VPS16: variants seen among roughly 807,000 people sequenced by gnomAD.
The protein encoded by VPS16 is VPS16 core subunit of CORVET and HOPS complexes, also known as vacuolar protein sorting-associated protein 16 homolog.
In VPS16, 82 loss-of-function variants were observed where a neutral mutation model predicts 116.0. The observed-to-expected ratio is 0.71, with a 90% CI of 0.59 to 0.85. VPS16 has a LOEUF of 0.85. VPS16 is among the 40% of genes least tolerant of loss of function. VPS16 has a pLI of 0.00. For missense variants in VPS16, 928 were observed against 1,090.6 expected, an observed-to-expected ratio of 0.85 and a Z score of 2.10; for synonymous variants, 406 against 420.7, an observed-to-expected ratio of 0.96 and a Z score of 0.43.
intron 1 of VPS16, among the ~76,000 whole-genome samples, chr20:2,849,533 A>C (rs1467906517): frequency 6.6e-6 from 1 of 151,464 alleles, no homozygotes; most frequent in Non-Finnish European, 1.5e-5. Context: ...TCCTGACCTC[A>C]GGTGATCTGC....
rs1600008616 is a variant in VPS16 at position 2,864,085 on chromosome 20, T to G, written c.1611+2T>G. ...GGCCGCACGGAGCTGGCCATCAAGG[T>G]GTGGGTGCCCAGCCCTCCACAGACA... On this transcript the variant is annotated splice_donor_variant, in intron 16 of 23. Coordinates refer to ENST00000380445, the MANE Select transcript of VPS16 (RefSeq NM_022575.4). LOFTEE classifies it high-confidence loss of function. The surrounding 1 kb of genome is among the most constrained non-coding windows in gnomAD (Gnocchi z 5.2). 1 of 1,613,730 alleles carries G rather than the reference T, an allele frequency of 6.2e-7. No individual in the cohort carries two copies. Among genetic ancestry groups the G allele is most frequent in the Non-Finnish European group, 8.5e-7 (1 of 1,179,682 alleles).
chr20:2,856,941 C>CT lies in VPS16; in HGVS notation c.54-2773dup, dbSNP rs529438339. ...TGTGGTATTTCCTCTTTCAGATGAT[C>CT]TTTTTCCCCTATATGAACTTTTTTT... On this transcript the variant is annotated intron_variant, in intron 1 of 23. Transcript: ENST00000380445. 1.7e-3 allele frequency among the ~76,000 whole-genome samples: 249 copies of CT among 150,350 alleles called. 3 individuals carry two copies. Among genetic ancestry groups the CT allele is most frequent in the African/African-American group, 4.1e-3 (169 of 41,176 alleles).
Position 2,861,604 on chromosome 20 carries a change from G to A in VPS16, c.810-11G>A. The A allele has an allele frequency of 6.2e-7, 1 of 1,604,420 alleles. No individual in the cohort carries two copies. The highest frequency in any genetic ancestry group is 8.5e-7 in the Non-Finnish European group (1 of 1,176,232). ...GACAGTGTCTAGCCAGTGTGTATATGCTGCTCACAGGTGCAGCCGTCCTCG... is the reference window on the plus strand; with the variant it reads ...GACAGTGTCTAGCCAGTGTGTATATACTGCTCACAGGTGCAGCCGTCCTCG... On this transcript the variant is annotated splice_polypyrimidine_tract_variant and intron_variant, in intron 8 of 23. Transcript: ENST00000380445.
rs1316936497 is a variant in VPS16 at position 2,863,114 on chromosome 20, A to G, written c.1367+14A>G. The G allele has an allele frequency of 6.2e-7, 1 of 1,613,908 alleles. No individual in the cohort carries two copies. The highest frequency in any genetic ancestry group is 1.7e-5 in the Admixed American group (1 of 59,988). The stretch of plus-strand genomic sequence containing the variant: ...GCTGCTGGACAGGTAGGGTAAGCCC[A>G]AGGGTGCAGTGAGCGGGCTGTCAGG... On this transcript the variant is annotated intron_variant, in intron 14 of 23. Transcript: ENST00000380445. The surrounding 1 kb of genome is among the most constrained non-coding windows in gnomAD (Gnocchi z 4.4).
At chr20:2,857,709 GTTTA>G (rs1043585938) in intron 1 of VPS16, among the ~76,000 whole-genome samples, 69 of 151,106 alleles carry the variant, frequency 4.6e-4, no homozygotes, top group African/African-American at 1.4e-3. Flanking sequence ...TTATTTATTT[GTTTA>G]TTTATTTATT....
intron 1 of VPS16, among the ~76,000 whole-genome samples, chr20:2,857,511 T>C (rs1157487076): frequency 8.1e-6 from 1 of 123,298 alleles, no homozygotes; most frequent in Non-Finnish European, 1.6e-5. Context: ...TATTTCTTTC[T>C]TTTTTTTTTT....
At position 2,864,881 on chromosome 20, in the gene VPS16, C is replaced by T. The variant is rs2089302746; in HGVS notation, c.1927-97C>T. 1 of 1,548,666 alleles carries T rather than the reference C, an allele frequency of 6.5e-7. No individual in the cohort carries two copies. On this transcript the variant is annotated intron_variant, in intron 19 of 23. Coordinates refer to ENST00000380445, the MANE Select transcript of VPS16 (RefSeq NM_022575.4). This position sits in a 1 kb window ranked among gnomAD's most constrained non-coding sequence, Gnocchi z 5.2. ...TAGCAGGCAAGGCTGACCCTGGCGACCCTGGGCACAGGGATGGGGGAGAAG... is the reference window on the plus strand; with the variant it reads ...TAGCAGGCAAGGCTGACCCTGGCGATCCTGGGCACAGGGATGGGGGAGAAG...
Position 2,862,674 on chromosome 20 carries a change from T to G in VPS16, c.1167T>G (p.His389Gln). 3 of 1,594,884 alleles carry G rather than the reference T, an allele frequency of 1.9e-6. No individual in the cohort carries two copies. The highest frequency in any genetic ancestry group is 2.6e-6 in the Non-Finnish European group (3 of 1,176,342). Residue 389 changes from histidine to glutamine, a missense_variant, in exon 12 of 24, where the codon CAT becomes CAG. Coordinates refer to ENST00000380445, the MANE Select transcript of VPS16 (RefSeq NM_022575.4). ...AGCAGTGCATTGAGGCTGCAGGACA[T>G]GAGCACCAGCCAGACATGCAGAAGA... ...AVQQCIEAAGHEHQPDMQKSL... is the reference protein window; with the variant it reads ...AVQQCIEAAGQEHQPDMQKSL...
In VPS16 at chr20:2,862,358, T is replaced by C. The variant is rs118020362; in HGVS notation, c.1072-221T>C. 7,618 of 1,056,022 alleles carry C rather than the reference T, an allele frequency of 7.2e-3. 62 individuals carry two copies. The highest frequency in any genetic ancestry group is 0.025 in the Middle Eastern group (79 of 3,150). 65.4% of individuals were successfully genotyped at this position (1,056,022 alleles called of 1,614,324 possible). A position where few individuals can be genotyped will look rare whatever the true frequency, so the allele number is the denominator to read the frequency against. ...TATCCCCACCCAGTCTGGGTTACTA[T>C]TGGGAGGAGTTCTCAAGGCCCCCCT... On this transcript the variant is annotated intron_variant, in intron 11 of 23. Coordinates refer to ENST00000380445, the MANE Select transcript of VPS16 (RefSeq NM_022575.4).
rs2089322387 is a variant in VPS16, at chr20:2,865,540, C to G, written c.2271+45C>G. The stretch of plus-strand genomic sequence containing the variant: ...CCAGCCCACTTCCAGTGAGGGTAGT[C>G]TTCGGGAGAGAGGGCTAGGCAGGGA... On this transcript the variant is annotated intron_variant, in intron 22 of 23. Coordinates refer to ENST00000380445, the MANE Select transcript of VPS16 (RefSeq NM_022575.4). The surrounding 1 kb of genome is among the most constrained non-coding windows in gnomAD (Gnocchi z 5.2). 1 of 1,572,404 alleles carries G rather than the reference C, an allele frequency of 6.4e-7. No homozygotes were observed. Among genetic ancestry groups the G allele is most frequent in the Admixed American group, 1.7e-5 (1 of 57,964 alleles).
At chr20:2,850,905 C>T (rs2089112429) in intron 1 of VPS16, among the ~76,000 whole-genome samples, 1 of 139,026 alleles carries the variant, frequency 7.2e-6, no homozygotes, top group South Asian at 2.3e-4. Context: ...CCTGGGAGGT[C>T]ATGGCTACAG....
chr20:2,863,823 G>GTGAA lies in VPS16; in HGVS notation c.1477-126_1477-125insTGAA. On this transcript the variant is annotated intron_variant, in intron 15 of 23. Transcript: ENST00000380445. This position sits in a 1 kb window ranked among gnomAD's most constrained non-coding sequence, Gnocchi z 4.4. The stretch of plus-strand genomic sequence containing the variant: ...GGGAAAGAGAGAGAAAGAAGAAAGA[G>GTGAA]AGAAAGAAAGAAAGAAGAAGGAAGG... The GTGAA allele has an allele frequency of 8.5e-7, 1 of 1,177,914 alleles. No individual in the cohort carries two copies. 73.0% of individuals were successfully genotyped at this position (1,177,914 alleles called of 1,614,324 possible).
intron 1 of VPS16, among the ~76,000 whole-genome samples, chr20:2,850,424 C>T (rs28461185): frequency 0.026 from 3,899 of 152,072 alleles, 138 homozygotes; most frequent in African/African-American, 0.076. Flanking sequence ...GTCAAGAAAT[C>T]GAGACTATCT....
In VPS16 at chr20:2,863,461, A is replaced by G; in HGVS notation, c.1476+63A>G. The G allele has an allele frequency of 1.9e-6, 3 of 1,547,464 alleles. No individual in the cohort carries two copies. Among genetic ancestry groups the G allele is most frequent in the Non-Finnish European group, 2.7e-6 (3 of 1,121,600 alleles). Reference sequence around the variant, plus strand: ...ATTCCAGGCCCTGGTGAGGTGGAGGAAATAGAAAGTGTAGAACTGCGCTGG... The same window carrying G: ...ATTCCAGGCCCTGGTGAGGTGGAGGGAATAGAAAGTGTAGAACTGCGCTGG... On this transcript the variant is annotated intron_variant, in intron 15 of 23. Transcript: ENST00000380445. The surrounding 1 kb of genome is among the most constrained non-coding windows in gnomAD (Gnocchi z 4.4).
Position 2,861,600 on chromosome 20 carries a change from A to C in VPS16, c.810-15A>C. 1.2e-6 allele frequency: 2 copies of C among 1,602,652 alleles called. No individual in the cohort carries two copies. The highest frequency in any genetic ancestry group is 2.2e-5 in the South Asian group (2 of 89,108). ...ATGGGACAGTGTCTAGCCAGTGTGT[A>C]TATGCTGCTCACAGGTGCAGCCGTC... is the stretch of plus-strand genomic sequence containing the variant. On this transcript the variant is annotated splice_polypyrimidine_tract_variant and intron_variant, in intron 8 of 23. Coordinates refer to ENST00000380445, the MANE Select transcript of VPS16 (RefSeq NM_022575.4).
At position 2,842,829 on chromosome 20, in the gene VPS16, T is replaced by TCTATCGATCGATCG. The variant is rs1568620960; in HGVS notation, c.53+2002_53+2003insCTATCGATCGATCG. Among the ~76,000 whole-genome samples the TCTATCGATCGATCG allele has an allele frequency of 5.9e-4, 2 of 3,398 alleles. 1 individual carries two copies. The highest frequency in any genetic ancestry group is 5.7e-3 in the African/African-American group (2 of 352). The allele number at this position is 3,398 out of a possible 152,430, so 2.2% of individuals were successfully genotyped here. A position where few individuals can be genotyped will look rare whatever the true frequency, so the allele number is the denominator to read the frequency against. ...AGATGTATCTATCTATAGATAGACATATAGATGTATCTATCGATAGATAGA... is the reference window on the plus strand; with the variant it reads ...AGATGTATCTATCTATAGATAGACATCTATCGATCGATCGATAGATGTATCTATCGATAGATAGA... On this transcript the variant is annotated intron_variant, in intron 1 of 23. Transcript: ENST00000380445.
At chr20:2,858,117 C>G (rs1023626101) in intron 1 of VPS16, among the ~76,000 whole-genome samples, 2 of 144,794 alleles carry the variant, frequency 1.4e-5, no homozygotes, top group African/African-American at 5.1e-5. Flanking sequence ...TTTTTTGAGA[C>G]AGGGTCTCAC....
intron 1 of VPS16, among the ~76,000 whole-genome samples, chr20:2,848,522 C>G (rs758984095): frequency 2.6e-5 from 4 of 152,226 alleles, no homozygotes; most frequent in Admixed American, 6.5e-5. Flanking sequence ...ATAATCATCT[C>G]TGATTAAAAG....
intron 1 of VPS16, among the ~76,000 whole-genome samples, chr20:2,853,264 G>T (rs984539636): frequency 6.6e-6 from 1 of 152,074 alleles, no homozygotes; most frequent in Non-Finnish European, 1.5e-5. Flanking sequence ...GGTGCTGGGT[G>T]CCTGTAATCC....
Sources: gnomAD v4.1 joint callset for allele counts (sites outside exome capture counted in the v4.1 genomes callset) on GRCh38, gnomAD v4.1.1 for gene constraint, Gnocchi (gnomAD v3.1) non-coding constraint, MANE v1.5 for transcripts, NCBI Gene and HGNC (gene_info 2026-07-23, HGNC 2026-07-21) for gene names.